POLN: variants seen among roughly 807,000 people sequenced by gnomAD.
The protein encoded by POLN is DNA polymerase nu.
A neutral mutation model predicts 113.5 loss-of-function variants in POLN; 108 were observed. The observed-to-expected ratio is 0.95, with a 90% CI of 0.81 to 1.12. The LOEUF is 1.12. Among genes scored for constraint, POLN ranks in the 50% most tolerant of loss-of-function variants. The probability of loss-of-function intolerance (pLI) is 0.00; values close to 1 mark genes in which losing one functional copy is unlikely to be tolerated. For synonymous variants in POLN, 386 were observed against 391.5 expected (o/e 0.99, Z 0.17); for missense variants, 1,097 against 1,077.1 (o/e 1.02, Z -0.26).
At chr4:2,128,383 G>C (rs1224093594) in intron 18 of POLN, among the ~76,000 whole-genome samples, 156 bp from the exon 19 acceptor site, 2 of 152,220 alleles carry the variant, frequency 1.3e-5, no homozygotes, top group Non-Finnish European at 2.9e-5. Context: ...TCAGTGTCAG[G>C]AGGTGAGAAA....
rs371267451 is a variant in POLN, at chr4:2,204,063, C to T, written c.714+3924G>A. ...GGCGGAGGTTGCAGTGAGCTGAGAT[C>T]GCGCCATTACACTCCAGCCTGGGTA... is the stretch of plus-strand genomic sequence containing the variant. On this transcript the variant is annotated intron_variant, in intron 5 of 25. Coordinates refer to ENST00000511885, the MANE Select transcript of POLN (RefSeq NM_181808.4). Among the ~76,000 whole-genome samples, 9 of 132,554 alleles carry T rather than the reference C, an allele frequency of 6.8e-5. No homozygotes were observed. The South Asian group carries it at 1.2e-3, about 17-fold the overall frequency. 87.0% of individuals were successfully genotyped at this position (132,554 alleles called of 152,430 possible).
intron 5 of POLN, among the ~76,000 whole-genome samples, chr4:2,207,581 C>A (rs892961105): frequency 1.3e-5 from 2 of 151,802 alleles, no homozygotes; most frequent in African/African-American, 4.8e-5. Context: ...AAAATTTGAA[C>A]AGACATTTCA....
chr4:2,155,427 C>G (rs58592519), intron 16 of POLN, among the ~76,000 whole-genome samples: 1 of 152,204 alleles, frequency 6.6e-6, no homozygotes, highest in East Asian at 1.9e-4. Flanking sequence ...AGAGGCCACA[C>G]GATTAGCGCA....
intron 5 of POLN, among the ~76,000 whole-genome samples, chr4:2,202,153 A>G (rs552990056): frequency 3.3e-4 from 50 of 152,306 alleles, no homozygotes; most frequent in African/African-American, 1.2e-3. Flanking sequence ...AACGTATACC[A>G]GCAACAAATA....
chr4:2,184,569 T>C (rs1733225664), intron 7 of POLN, among the ~76,000 whole-genome samples: 1 of 136,284 alleles, frequency 7.3e-6, no homozygotes, highest in African/African-American at 3.4e-5. Flanking sequence ...ATATTTTATC[T>C]TAAAAAAAAA....
In POLN at chr4:2,093,286, C is replaced by A. The variant is rs998591342; in HGVS notation, c.2065+2565G>T. ...TGGCTGCCCCCACTGGGGACAAGGCCGGGGCTGCCACAGGAGACCTACAGA... is the reference window on the plus strand; with the variant it reads ...TGGCTGCCCCCACTGGGGACAAGGCAGGGGCTGCCACAGGAGACCTACAGA... On this transcript the variant is annotated intron_variant, in intron 20 of 25. Transcript: ENST00000511885. The surrounding 1 kb of genome is among the most constrained non-coding windows in gnomAD (Gnocchi z 4.1). Among the ~76,000 whole-genome samples the A allele has an allele frequency of 6.6e-6, 1 of 152,154 alleles. No individual in the cohort carries two copies. Among genetic ancestry groups the A allele is most frequent in the African/African-American group, 2.4e-5 (1 of 41,440 alleles).
At chr4:2,090,259 G>T in intron 20 of POLN, 1 of 801,478 alleles carries the variant, frequency 1.2e-6, no homozygotes, top group Non-Finnish European at 2.1e-6. Flanking sequence ...TCTTGTTCCA[G>T]AACCTCTGAC....
At chr4:2,112,848 A>G (rs1577699855) in intron 19 of POLN, among the ~76,000 whole-genome samples, 1 of 152,294 alleles carries the variant, frequency 6.6e-6, no homozygotes, top group African/African-American at 2.4e-5. Flanking sequence ...GGGATCTAGA[A>G]CTAGAAATAC....
rs1398197124 is a variant in POLN, at chr4:2,208,037, C to A, written c.664G>T (p.Val222Leu). Residue 222 changes from valine (V) to leucine (L), a missense_variant, in exon 5 of 26, where the codon GTG becomes TTG. Coordinates refer to ENST00000511885, the MANE Select transcript of POLN (RefSeq NM_181808.4). ...IEMLKQAAALVITVMYTDGST... is the reference protein window; with the variant it reads ...IEMLKQAAALLITVMYTDGST... The stretch of plus-strand genomic sequence containing the variant: ...CCATCAGTATACATCACAGTTATCA[C>A]CAGGGCTGCTGCCTGTTTGAGCATT... 6.2e-6 allele frequency: 10 copies of A among 1,613,992 alleles called. No individual in the cohort carries two copies. In the Admixed American group the frequency reaches 1.2e-4, roughly 19 times the overall value.
At chr4:2,188,961 G>T (rs1255856641) in intron 7 of POLN, among the ~76,000 whole-genome samples, 1 of 150,652 alleles carries the variant, frequency 6.6e-6, no homozygotes, top group African/African-American at 2.5e-5. Flanking sequence ...ATAAAGATAA[G>T]TTGTCATCTG....
At chr4:2,183,155 C>T (rs1033616186) in intron 7 of POLN, among the ~76,000 whole-genome samples, 2 of 152,278 alleles carry the variant, frequency 1.3e-5, no homozygotes, top group Middle Eastern at 3.4e-3. Flanking sequence ...TACACAAGAA[C>T]ACGTATTGGG....
chr4:2,089,199 T>C (rs1730613456), intron 20 of POLN: 2 of 1,523,006 alleles, frequency 1.3e-6, no homozygotes. Context: ...CAAAGGACTC[T>C]TTCTTAATCT....
intron 23 of POLN, chr4:2,080,269 C>T: frequency 8.1e-6 from 8 of 987,706 alleles, no homozygotes; most frequent in Non-Finnish European, 6.0e-6. Flanking sequence ...TGCTTGTCCC[C>T]TGGCCACCCA....
intron 23 of POLN, chr4:2,078,355 G>C (rs1210055385): frequency 1.3e-5 from 2 of 158,968 alleles, no homozygotes; most frequent in African/African-American, 2.4e-5. Flanking sequence ...TCTGGACCAA[G>C]AGGCACAAAC....
rs116486206 is a variant in POLN, at chr4:2,197,060, C to T, written c.908+1464G>A. Among the ~76,000 whole-genome samples, 660 of 152,280 alleles carry T rather than the reference C, an allele frequency of 4.3e-3. 5 individuals are homozygous for T. Among genetic ancestry groups the T allele is most frequent in the South Asian group, 0.016 (78 of 4,816 alleles). On this transcript the variant is annotated intron_variant, in intron 6 of 25. Transcript: ENST00000511885. ...AGCAGACCTCGAGGGCGAGGGCCTTCATAGGTCCTGTGGCTTTTCTACACT... is the reference window on the plus strand; with the variant it reads ...AGCAGACCTCGAGGGCGAGGGCCTTTATAGGTCCTGTGGCTTTTCTACACT...
chr4:2,112,715 T>A (rs1478827628), intron 19 of POLN, among the ~76,000 whole-genome samples: 2 of 152,110 alleles, frequency 1.3e-5, no homozygotes, highest in Non-Finnish European at 2.9e-5. Flanking sequence ...AGAATGGCAA[T>A]CATTAAAAAG....
chr4:2,214,526 G>A (rs1241361031), intron 3 of POLN, among the ~76,000 whole-genome samples: 1 of 152,064 alleles, frequency 6.6e-6, no homozygotes, highest in Non-Finnish European at 1.5e-5. Flanking sequence ...AGAAAAATGA[G>A]CAAAGAATAG....
intron 2 of POLN, among the ~76,000 whole-genome samples, chr4:2,233,263 T>C (rs1734647696): frequency 6.6e-6 from 1 of 152,206 alleles, no homozygotes; most frequent in South Asian, 2.1e-4. Flanking sequence ...CTAAAGATCA[T>C]ACAGTTGCTA....
chr4:2,220,059 C>T (rs760495611), intron 3 of POLN, among the ~76,000 whole-genome samples: 4 of 152,106 alleles, frequency 2.6e-5, no homozygotes, highest in Admixed American at 6.5e-5. Context: ...GAATCTCTTT[C>T]GTCCCTGTGC....
Sources: allele counts gnomAD v4.1 joint callset (sites outside exome capture counted in the v4.1 genomes callset), GRCh38; gene constraint gnomAD v4.1.1; non-coding constraint Gnocchi (gnomAD v3.1); transcripts MANE v1.5; gene names NCBI Gene and HGNC (gene_info 2026-07-23, HGNC 2026-07-21).